Variants in SAMD12 observed in about 807,000 individuals in gnomAD.
SAMD12 encodes sterile alpha motif domain containing 12.
A neutral mutation model predicts 15.0 loss-of-function variants in SAMD12; 9 were observed. The observed-to-expected ratio is 0.60, with a 90% CI of 0.36 to 1.05. SAMD12 has a LOEUF of 1.05. SAMD12 is among the 50% of genes least tolerant of loss of function. SAMD12 has a pLI of 0.01. For missense variants in SAMD12, 230 were observed against 234.2 expected, an observed-to-expected ratio of 0.98 and a Z score of 0.12; for synonymous variants, 86 against 90.1, an observed-to-expected ratio of 0.96 and a Z score of 0.25.
chr8:118,186,350 C>T (rs1264407582), downstream of SAMD12, among the ~76,000 whole-genome samples: 1 of 152,138 alleles, frequency 6.6e-6, no homozygotes, highest in Non-Finnish European at 1.5e-5. Flanking sequence ...TGTAAGGTCT[C>T]TAAAGTCAGG....
At chr8:118,618,111 T>G (rs1436651703) in intron 1 of SAMD12, among the ~76,000 whole-genome samples, 1 of 152,016 alleles carries the variant, frequency 6.6e-6, no homozygotes, top group Non-Finnish European at 1.5e-5. Context: ...CCCTGTTCTG[T>G]GGCGGGAAAG....
At chr8:118,173,552 TTA>T in the SAMD12 span, among the ~76,000 whole-genome samples, 7 of 147,590 alleles carry the variant, frequency 4.7e-5, no homozygotes, top group East Asian at 1.9e-4. Flanking sequence ...TATCTAATAT[TTA>T]TATATATATA....
At chr8:118,495,623 C>T (rs1374335337) in intron 2 of SAMD12, among the ~76,000 whole-genome samples, 3 of 151,260 alleles carry the variant, frequency 2.0e-5, no homozygotes, top group East Asian at 1.9e-4. Context: ...ACCTTGATCC[C>T]GCTGCCTGGA....
the SAMD12 span, among the ~76,000 whole-genome samples, chr8:118,150,981 G>A: frequency 2.6e-5 from 4 of 152,092 alleles, no homozygotes; most frequent in East Asian, 1.9e-4. Context: ...GAGGTGGGGG[G>A]ATCACTTGAG....
At chr8:118,155,220 T>C in the SAMD12 span, among the ~76,000 whole-genome samples, 2 of 152,206 alleles carry the variant, frequency 1.3e-5, no homozygotes, top group African/African-American at 4.8e-5. Context: ...TTTTCTTATT[T>C]CTATTAAGTC....
At chr8:118,560,549 C>A (rs1003221316) in intron 2 of SAMD12, among the ~76,000 whole-genome samples, 5 of 152,168 alleles carry the variant, frequency 3.3e-5, no homozygotes, top group East Asian at 3.8e-4. Flanking sequence ...ATCCTTCCCT[C>A]TTTAGACATG....
chr8:118,333,838 C>T (rs961601328), intron 4 of SAMD12, among the ~76,000 whole-genome samples: 9 of 149,220 alleles, frequency 6.0e-5, no homozygotes, highest in Admixed American at 2.7e-4. Context: ...TGTGTGTGCC[C>T]GTTGGCGGGG....
At chr8:118,296,392 G>T (rs1216870257) in intron 4 of SAMD12, among the ~76,000 whole-genome samples, 1 of 152,160 alleles carries the variant, frequency 6.6e-6, no homozygotes, top group Non-Finnish European at 1.5e-5. Context: ...CCTCAGAAAA[G>T]GAAGCCTTTC....
At position 118,485,771 on chromosome 8, in the gene SAMD12, C is replaced by T. The variant is rs950407410; in HGVS notation, c.193-45810G>A. ...ATAAAAGGGAATTAAAAAAAGCTAA[C>T]AAAATCATTACAATTACTCAATATT... On this transcript the variant is annotated intron_variant, in intron 2 of 3. Coordinates refer to ENST00000314727, the MANE Select transcript of SAMD12 (RefSeq NM_207506.3). 3.9e-5 allele frequency among the ~76,000 whole-genome samples: 6 copies of T among 152,106 alleles called. 1 individual carries two copies. The highest frequency in any genetic ancestry group is 9.7e-5 in the African/African-American group (4 of 41,420).
At chr8:118,249,099 C>T (rs1397657017) in intron 4 of SAMD12, among the ~76,000 whole-genome samples, 1 of 152,046 alleles carries the variant, frequency 6.6e-6, no homozygotes, top group African/African-American at 2.4e-5. Context: ...CTCTAGATTA[C>T]TTATAATATC....
intron 4 of SAMD12, among the ~76,000 whole-genome samples, chr8:118,323,026 T>C (rs1250830762): frequency 6.6e-6 from 1 of 152,184 alleles, no homozygotes; most frequent in Non-Finnish European, 1.5e-5. Flanking sequence ...GTGATGTCTG[T>C]AACCTGTGTT....
intron 3 of SAMD12, among the ~76,000 whole-genome samples, chr8:118,396,569 G>A (rs1820580023): frequency 1.3e-5 from 2 of 152,180 alleles, no homozygotes; most frequent in Non-Finnish European, 2.9e-5. Flanking sequence ...ATGGCTCTAT[G>A]AGAAAGGGAG....
chr8:118,257,642 T>G (rs1345752919), intron 4 of SAMD12, among the ~76,000 whole-genome samples: 1 of 152,054 alleles, frequency 6.6e-6, no homozygotes, highest in African/African-American at 2.4e-5. Flanking sequence ...GGCCCAACTC[T>G]GAGGATCATC....
At chr8:118,187,350 A>C (rs1412797394), downstream of SAMD12, among the ~76,000 whole-genome samples, 2 of 152,202 alleles carry the variant, frequency 1.3e-5, no homozygotes, top group Non-Finnish European at 2.9e-5. Flanking sequence ...TTATAAATAG[A>C]AACTGGAGAA....
chr8:118,241,989 G>A (rs1010206513), intron 4 of SAMD12, among the ~76,000 whole-genome samples: 2 of 152,182 alleles, frequency 1.3e-5, no homozygotes, highest in African/African-American at 2.4e-5. Context: ...ATGCCTCACC[G>A]AAGCCTTGAC....
At chr8:118,486,230 C>T (rs373654545) in intron 2 of SAMD12, among the ~76,000 whole-genome samples, 23 of 151,248 alleles carry the variant, frequency 1.5e-4, no homozygotes, top group South Asian at 4.2e-4. Flanking sequence ...CTGGCTAACA[C>T]GGTGAAACTC....
At chr8:118,348,863 G>A (rs911671795) in intron 4 of SAMD12, among the ~76,000 whole-genome samples, 6 of 152,178 alleles carry the variant, frequency 3.9e-5, no homozygotes, top group Non-Finnish European at 4.4e-5. Flanking sequence ...GGCCCACCTG[G>A]GCCGAGGAAG....
chr8:118,575,657 A>G (rs1412174478), intron 2 of SAMD12, among the ~76,000 whole-genome samples: 3 of 152,198 alleles, frequency 2.0e-5, no homozygotes, highest in Non-Finnish European at 2.9e-5. Flanking sequence ...TGCAAATATA[A>G]GGAACGCTCA....
chr8:118,228,477 G>A (rs1208248350), intron 4 of SAMD12, among the ~76,000 whole-genome samples: 1 of 151,968 alleles, frequency 6.6e-6, no homozygotes, highest in East Asian at 1.9e-4. Flanking sequence ...GTGGGCTAAG[G>A]ACATGAATAG....
Sources: gnomAD v4.1 joint callset for allele counts (sites outside exome capture counted in the v4.1 genomes callset) on GRCh38, gnomAD v4.1.1 for gene constraint, MANE v1.5 for transcripts, NCBI Gene and HGNC (gene_info 2026-07-23, HGNC 2026-07-21) for gene names.